NBAS: variants seen among roughly 807,000 people sequenced by gnomAD.
NBAS encodes the protein NBAS subunit of NRZ tethering complex, also known as NAG/BC035112 fusion.
NBAS carries 219 observed loss-of-function variants against 302.5 expected under a neutral mutation model. The observed-to-expected ratio is 0.72, with a 90% CI of 0.65 to 0.81. The LOEUF is 0.81. Among genes scored for constraint, NBAS ranks in the 30% least tolerant of loss-of-function variants. The pLI, the probability that NBAS is intolerant of heterozygous loss-of-function variation, is 0.00. For synonymous variants in NBAS, 1,118 were observed against 1,021.6 expected (o/e 1.09, Z -1.80); for missense variants, 2,932 against 2,841.6 (o/e 1.03, Z -0.72).
intron 21 of NBAS, among the ~76,000 whole-genome samples, chr2:15,453,892 C>T (rs182253267): frequency 3.3e-4 from 50 of 152,172 alleles, no homozygotes; most frequent in Middle Eastern, 3.4e-3. Flanking sequence ...GATTCTCCTG[C>T]CTCAGCCTCT....
chr2:15,097,877 G>T, the NBAS span, among the ~76,000 whole-genome samples: 1 of 133,908 alleles, frequency 7.5e-6, no homozygotes, highest in South Asian at 2.2e-4. Flanking sequence ...CACATGGTAA[G>T]TGTCCATTAA....
chr2:15,518,466 A>G (rs961339394), intron 9 of NBAS, among the ~76,000 whole-genome samples: 5 of 152,194 alleles, frequency 3.3e-5, no homozygotes, highest in African/African-American at 1.2e-4. Context: ...TTGACTTTTA[A>G]GTGCTTAATT....
At chr2:14,991,248 G>A in the NBAS span, among the ~76,000 whole-genome samples, 22 of 150,562 alleles carry the variant, frequency 1.5e-4, no homozygotes, top group South Asian at 1.9e-3. Context: ...CTCCATCAAC[G>A]GCAGGGAAAA....
At chr2:14,923,036 C>T in the NBAS span, among the ~76,000 whole-genome samples, 1 of 152,156 alleles carries the variant, frequency 6.6e-6, no homozygotes, top group African/African-American at 2.4e-5. Context: ...CCTGTAGTCC[C>T]AGCTACTCTG....
intron 9 of NBAS, among the ~76,000 whole-genome samples, chr2:15,517,314 A>G (rs1324615786): frequency 6.6e-6 from 1 of 152,212 alleles, no homozygotes; most frequent in African/African-American, 2.4e-5. Flanking sequence ...AAGCTGAAAA[A>G]TTAGAAATAT....
At chr2:14,825,611 G>A in the NBAS span, among the ~76,000 whole-genome samples, 171 of 152,134 alleles carry the variant, frequency 1.1e-3, no homozygotes, top group Non-Finnish European at 1.9e-3. Flanking sequence ...TCAACCTCAC[G>A]TCAGGGCTTT....
the NBAS span, among the ~76,000 whole-genome samples, chr2:15,138,519 C>T: frequency 2.6e-5 from 4 of 152,254 alleles, no homozygotes; most frequent in African/African-American, 9.6e-5. Flanking sequence ...CACATACAAT[C>T]CTTTTATCCC....
chr2:15,406,784 C>G (rs892543022), intron 25 of NBAS, among the ~76,000 whole-genome samples: 1 of 152,134 alleles, frequency 6.6e-6, no homozygotes, highest in Admixed American at 6.5e-5. Context: ...TCTAACATAT[C>G]GGAAAATGTT....
chr2:15,481,917 C>G (rs1680443882), intron 12 of NBAS, among the ~76,000 whole-genome samples: 1 of 152,188 alleles, frequency 6.6e-6, no homozygotes, highest in Non-Finnish European at 1.5e-5. Context: ...TCTCTCCCTT[C>G]TCCCTTGAAG....
At chr2:15,101,626 G>A in the NBAS span, among the ~76,000 whole-genome samples, 1 of 152,144 alleles carries the variant, frequency 6.6e-6, no homozygotes, top group Non-Finnish European at 1.5e-5. Context: ...GATTTGCACT[G>A]AGACCTAGGC....
the NBAS span, among the ~76,000 whole-genome samples, chr2:15,072,775 C>A: frequency 6.6e-6 from 1 of 152,124 alleles, no homozygotes; most frequent in Non-Finnish European, 1.5e-5. Flanking sequence ...ATCTTATGTA[C>A]TCAGTAGAAC....
the NBAS span, among the ~76,000 whole-genome samples, chr2:15,104,663 G>A: frequency 1.7e-4 from 26 of 152,018 alleles, no homozygotes; most frequent in East Asian, 2.1e-3. Flanking sequence ...TTACACTCCC[G>A]CCAACAGTGT....
chr2:15,324,879 A>G (rs918768925), intron 38 of NBAS, among the ~76,000 whole-genome samples: 1 of 152,186 alleles, frequency 6.6e-6, no homozygotes, highest in African/African-American at 2.4e-5. Context: ...TTGATGTCTC[A>G]TCATTTAGTT....
the NBAS span, among the ~76,000 whole-genome samples, chr2:15,020,692 C>T: frequency 5.3e-5 from 8 of 152,310 alleles, no homozygotes; most frequent in Admixed American, 2.6e-4. Context: ...CAAAAAGAGA[C>T]TGTCCTCACA....
chr2:15,239,302 ATATG>A lies in NBAS; in HGVS notation c.5725-620_5725-617del, dbSNP rs1321565976. On this transcript the variant is annotated intron_variant, in intron 44 of 51. Coordinates refer to ENST00000281513, the MANE Select transcript of NBAS (RefSeq NM_015909.4). ...TTCAAACTATATCTGCATATACAAT[ATATG>A]TATTTTATGTATTTTCTATTTTATG... 4.0e-5 allele frequency among the ~76,000 whole-genome samples: 6 copies of A among 151,612 alleles called. No individual in the cohort carries two copies. In the East Asian group the frequency reaches 1.2e-3, roughly 29 times the overall value.
chr2:15,382,953 G>A (rs923735419), intron 29 of NBAS, among the ~76,000 whole-genome samples: 1 of 152,114 alleles, frequency 6.6e-6, no homozygotes, highest in Non-Finnish European at 1.5e-5. Context: ...CCAAAACTAT[G>A]GAAGTGAGAA....
chr2:15,305,127 T>C (rs2148148209), intron 40 of NBAS, among the ~76,000 whole-genome samples: 1 of 152,196 alleles, frequency 6.6e-6, no homozygotes, highest in South Asian at 2.1e-4. Flanking sequence ...ATGATATGAT[T>C]ACGCTCTGTG....
chr2:15,474,395 A>C, intron 14 of NBAS, 71 bp from the exon 15 acceptor site: 1 of 1,406,762 alleles, frequency 7.1e-7, no homozygotes, highest in Non-Finnish European at 9.7e-7. Flanking sequence ...TAATGAAAGA[A>C]AATATATTTC....
chr2:14,790,064 C>T, the NBAS span, among the ~76,000 whole-genome samples: 1 of 152,194 alleles, frequency 6.6e-6, no homozygotes, highest in Admixed American at 6.5e-5. Context: ...CACAACACCA[C>T]TGAAGAAACC....
Sources: gnomAD v4.1 joint callset for allele counts (sites outside exome capture counted in the v4.1 genomes callset) on GRCh38, gnomAD v4.1.1 for gene constraint, MANE v1.5 for transcripts, NCBI Gene and HGNC (gene_info 2026-07-23, HGNC 2026-07-21) for gene names.